The following PDXDC1 variants were observed in gnomAD, a reference collection of about 807,000 sequenced individuals.
PDXDC1 encodes pyridoxal-dependent decarboxylase domain-containing protein 1.
PDXDC1 carries 42 observed loss-of-function variants against 100.1 expected under a neutral mutation model. The ratio of observed to expected loss-of-function variants is 0.42; its 90% confidence interval spans 0.33 to 0.54. The LOEUF (loss-of-function observed/expected upper bound fraction) is 0.54, where lower values mean the gene tolerates loss of function less well. Among genes scored for constraint, PDXDC1 ranks in the 20% least tolerant of loss-of-function variants. PDXDC1 has a pLI of 0.10. For synonymous variants in PDXDC1, 260 were observed against 371.7 expected, an observed-to-expected ratio of 0.70 and a Z score of 3.46; for missense variants, 636 against 979.2, an observed-to-expected ratio of 0.65 and a Z score of 4.68.
chr16:15,094,191 C>T (rs368096375), intron 16 of PDXDC1: 243 of 1,600,558 alleles, frequency 1.5e-4, no homozygotes, highest in Non-Finnish European at 1.9e-4. Flanking sequence ...GACGAAGCGG[C>T]CGCATCTCCC....
chr16:15,019,746 C>G (rs1181701977), intron 12 of PDXDC1, among the ~76,000 whole-genome samples: 1 of 152,274 alleles, frequency 6.6e-6, no homozygotes, highest in African/African-American at 2.4e-5. Context: ...CCAAAGGCCT[C>G]AACTCATTTG....
At chr16:15,018,556 T>TG (rs571999690) in intron 11 of PDXDC1, among the ~76,000 whole-genome samples, 501 of 152,372 alleles carry the variant, frequency 3.3e-3, no homozygotes, top group African/African-American at 9.9e-3. Context: ...ACCTTCGAAG[T>TG]GGGGAGTCTC....
At chr16:15,068,454 T>C (rs1395903959) in intron 16 of PDXDC1, among the ~76,000 whole-genome samples, 1 of 152,154 alleles carries the variant, frequency 6.6e-6, no homozygotes, top group East Asian at 1.9e-4. Flanking sequence ...CAGAAGAGTA[T>C]CACTAGGCTA....
At chr16:15,143,630 T>G (rs2966138), downstream of PDXDC1, among the ~76,000 whole-genome samples, 119,121 of 152,168 alleles carry the variant, frequency 0.78, 47,791 homozygotes, top group Admixed American at 0.88. Flanking sequence ...GGAAGTCTTG[T>G]GGCTGGGCCT....
intron 16 of PDXDC1, among the ~76,000 whole-genome samples, chr16:15,057,175 C>A (rs1022450887): frequency 6.6e-6 from 1 of 152,184 alleles, no homozygotes; most frequent in Non-Finnish European, 1.5e-5. Flanking sequence ...AGCTTACACA[C>A]CCCGTTCAAC....
chr16:15,151,818 C>T, the PDXDC1 span, among the ~76,000 whole-genome samples: 7 of 127,354 alleles, frequency 5.5e-5, no homozygotes, highest in Non-Finnish European at 1.3e-4. Context: ...GTAATCCCAG[C>T]TACTCGGGAG....
At chr16:14,978,680 C>T (rs1967261250) in intron 1 of PDXDC1, among the ~76,000 whole-genome samples, 2 of 152,412 alleles carry the variant, frequency 1.3e-5, no homozygotes, top group East Asian at 3.9e-4. Context: ...TAAGCGTGAG[C>T]CACCGTGCCA....
Position 14,975,033 on chromosome 16 carries a change from C to A in PDXDC1, c.-167C>A, listed in dbSNP as rs1399254721. 4 of 1,528,568 alleles carry A rather than the reference C, an allele frequency of 2.6e-6. No homozygotes were observed. In the East Asian group the frequency reaches 7.4e-5, roughly 28 times the overall value. 94.7% of individuals were successfully genotyped at this position (1,528,568 alleles called of 1,614,324 possible). A position where few individuals can be genotyped will look rare whatever the true frequency, so the allele number is the denominator to read the frequency against. On this transcript the variant is annotated 5_prime_UTR_variant, in exon 1 of 23. Coordinates refer to ENST00000396410, the MANE Select transcript of PDXDC1 (RefSeq NM_015027.4). ...GGGGCCCCGCCCCGCCGCCTCTCAACCATCAGGTTCGGCAGCCCGCGGCGC... is the reference window on the plus strand; with the variant it reads ...GGGGCCCCGCCCCGCCGCCTCTCAAACATCAGGTTCGGCAGCCCGCGGCGC...
At chr16:15,016,449 C>G in intron 9 of PDXDC1, 2 of 1,077,046 alleles carry the variant, frequency 1.9e-6, no homozygotes, top group Non-Finnish European at 2.5e-6. Flanking sequence ...GTGTGTTACT[C>G]CCACCTCTGC....
At chr16:15,062,820 G>A (rs553901241) in intron 16 of PDXDC1, among the ~76,000 whole-genome samples, 29 of 152,252 alleles carry the variant, frequency 1.9e-4, no homozygotes, top group African/African-American at 7.0e-4. Flanking sequence ...AACAAAACCT[G>A]GGCCTGGAAT....
chr16:15,071,912 T>G (rs1257180590), intron 16 of PDXDC1, among the ~76,000 whole-genome samples: 1 of 152,136 alleles, frequency 6.6e-6, no homozygotes, highest in African/African-American at 2.4e-5. Flanking sequence ...CCAACAATAA[T>G]TCACATCCCA....
Position 15,059,743 on chromosome 16 carries a change from T to C in PDXDC1, c.1399+29687T>C, listed in dbSNP as rs574288763. Among the ~76,000 whole-genome samples the C allele has an allele frequency of 2.8e-4, 42 of 152,302 alleles. 1 individual carries two copies. The highest frequency in any genetic ancestry group is 9.9e-4 in the African/African-American group (41 of 41,570). Reference sequence around the variant, plus strand: ...GGAGATTTCACAGTATTTTTCCCCATAGATGTCCCTTCAAAGCATGTAACT... The same window carrying C: ...GGAGATTTCACAGTATTTTTCCCCACAGATGTCCCTTCAAAGCATGTAACT... On this transcript the variant is annotated intron_variant, in intron 16 of 16. Coordinates refer to the PDXDC1 transcript ENST00000535621.
At chr16:15,046,694 T>C (rs1468517211) in intron 16 of PDXDC1, among the ~76,000 whole-genome samples, 2 of 81,188 alleles carry the variant, frequency 2.5e-5, no homozygotes, top group African/African-American at 4.9e-5. Flanking sequence ...ACCCTGTCTC[T>C]ACCAAAAAAA....
chr16:15,090,026 T>TG (rs1305293002), intron 16 of PDXDC1, among the ~76,000 whole-genome samples: 1 of 151,790 alleles, frequency 6.6e-6, no homozygotes, highest in Non-Finnish European at 1.5e-5. Context: ...CTGGCCAACA[T>TG]GGTGAAACCC....
chr16:14,984,455 G>GTC (rs1968805227), intron 1 of PDXDC1, among the ~76,000 whole-genome samples: 1 of 134,002 alleles, frequency 7.5e-6, no homozygotes, highest in Non-Finnish European at 1.5e-5. Flanking sequence ...GAGAGAGAGA[G>GTC]TGTGTGTGTG....
intron 16 of PDXDC1, among the ~76,000 whole-genome samples, chr16:15,063,704 C>CAAAAAAAAAAAAAAAAA (rs10664930): frequency 1.1e-5 from 1 of 89,118 alleles, no homozygotes; most frequent in African/African-American, 5.1e-5. Context: ...GACTCTGTCT[C>CAAAAAAAAAAAAAAAAA]AAAAAAAAAA....
intron 11 of PDXDC1, among the ~76,000 whole-genome samples, chr16:15,018,069 T>C (rs2041926824): frequency 6.6e-6 from 1 of 151,470 alleles, no homozygotes; most frequent in Admixed American, 6.6e-5. Flanking sequence ...ATTACAGGCA[T>C]GAGCCATCAC....
intron 16 of PDXDC1, among the ~76,000 whole-genome samples, chr16:15,053,718 C>G (rs1280990405): frequency 1.3e-5 from 2 of 152,026 alleles, no homozygotes; most frequent in African/African-American, 4.8e-5. Flanking sequence ...CAAGAACAGC[C>G]TGGCCAACAT....
chr16:15,047,337 C>T (rs1597795809), intron 16 of PDXDC1: 8 of 771,182 alleles, frequency 1.0e-5, no homozygotes, highest in South Asian at 3.1e-5. Context: ...GAGGCAGACA[C>T]GGCAGTGGTG....
Sources: gnomAD v4.1 joint callset for allele counts (sites outside exome capture counted in the v4.1 genomes callset) on GRCh38, gnomAD v4.1.1 for gene constraint, MANE v1.5 for transcripts, NCBI Gene and HGNC (gene_info 2026-07-23, HGNC 2026-07-21) for gene names.